TBC1D9: variants seen among roughly 807,000 people sequenced by gnomAD.
TBC1D9 encodes the protein TBC1 domain family member 9A.
TBC1D9 carries 63 observed loss-of-function variants against 132.0 expected under a neutral mutation model. The ratio of observed to expected loss-of-function variants is 0.48; its 90% CI spans 0.39 to 0.59. The LOEUF (loss-of-function observed/expected upper bound fraction) is 0.59, where lower values mean the gene tolerates loss of function less well. Ranked by LOEUF, TBC1D9 falls within the 20% of genes least tolerant of loss-of-function variation. The pLI is 0.00. For missense variants in TBC1D9, 1,261 were observed against 1,592.7 expected, an observed-to-expected ratio of 0.79 and a Z score of 3.54; for synonymous variants, 610 against 609.9, an observed-to-expected ratio of 1.00 and a Z score of 0.00.
chr4:140,732,095 C>T (rs1396151608), intron 1 of TBC1D9, among the ~76,000 whole-genome samples: 1 of 152,196 alleles, frequency 6.6e-6, no homozygotes, highest in Non-Finnish European at 1.5e-5. Context: ...AAGTCAGGCT[C>T]TTAACCATAA....
intron 13 of TBC1D9, chr4:140,642,090 G>T (rs1356183395): frequency 2.4e-5 from 17 of 717,088 alleles, no homozygotes; most frequent in Non-Finnish European, 4.4e-5. Context: ...CGGAGGAGGG[G>T]GTGTGTGCCA....
In TBC1D9 at chr4:140,621,163, A is replaced by G. The variant is rs914566318; in HGVS notation, c.*1032T>C. 8.5e-5 allele frequency: 13 copies of G among 152,660 alleles called. No homozygotes were observed. The highest frequency in any genetic ancestry group is 4.4e-5 in the Non-Finnish European group (3 of 68,024). 9.5% of individuals were successfully genotyped at this position (152,660 alleles called of 1,614,324 possible). A position where few individuals can be genotyped will look rare whatever the true frequency, so the allele number is the denominator to read the frequency against. ...AAGTGACAAGTTCTGTTTTTAAAAC[A>G]TTCAGTTACATTATCTTGCAGATTT... is the stretch of plus-strand genomic sequence containing the variant. On this transcript the variant is annotated 3_prime_UTR_variant, in exon 21 of 21. Coordinates refer to ENST00000442267, the MANE Select transcript of TBC1D9 (RefSeq NM_015130.3).
intron 1 of TBC1D9, among the ~76,000 whole-genome samples, chr4:140,726,926 A>G (rs1212408260): frequency 6.6e-6 from 1 of 152,140 alleles, no homozygotes; most frequent in Non-Finnish European, 1.5e-5. Context: ...TTTACTCAAT[A>G]TCTCATAACA....
chr4:140,657,239 T>C lies in TBC1D9; in HGVS notation c.2208-13A>G. 2 of 1,612,394 alleles carry C rather than the reference T, an allele frequency of 1.2e-6. No homozygotes were observed. The highest frequency in any genetic ancestry group is 4.5e-5 in the East Asian group (2 of 44,870). Reference sequence around the variant, plus strand: ...ACTGTCTAAATACCTGGAAGAAGAATGCATCAGAAGTCACAGGAGAAGAAA... The same window carrying C: ...ACTGTCTAAATACCTGGAAGAAGAACGCATCAGAAGTCACAGGAGAAGAAA... On this transcript the variant is annotated splice_polypyrimidine_tract_variant and intron_variant, in intron 12 of 20. Coordinates refer to ENST00000442267, the MANE Select transcript of TBC1D9 (RefSeq NM_015130.3).
intron 16 of TBC1D9, 141 bp downstream of exon 16, chr4:140,633,807 T>C (rs1241206197): frequency 4.1e-6 from 4 of 966,884 alleles, no homozygotes; most frequent in African/African-American, 1.6e-5. Context: ...TTTATCCATA[T>C]ACTATGTTCA....
chr4:140,725,477 G>A lies in TBC1D9; in HGVS notation c.131-23863C>T, dbSNP rs956209447. ...GGAACAAGAGCTGTACAGGGGATGGGGGCCCTTTGTTTTAGTTTAAATGAA... is the reference window on the plus strand; with the variant it reads ...GGAACAAGAGCTGTACAGGGGATGGAGGCCCTTTGTTTTAGTTTAAATGAA... On this transcript the variant is annotated intron_variant, in intron 1 of 20. Coordinates refer to ENST00000442267, the MANE Select transcript of TBC1D9 (RefSeq NM_015130.3). Among the ~76,000 whole-genome samples, 3 of 152,156 alleles carry A rather than the reference G, an allele frequency of 2.0e-5. No homozygotes were observed. The East Asian group carries it at 5.8e-4, about 29-fold the overall frequency.
chr4:140,676,705 G>T (rs1737630006), intron 6 of TBC1D9, among the ~76,000 whole-genome samples, 189 bp downstream of exon 6: 1 of 151,978 alleles, frequency 6.6e-6, no homozygotes, highest in Admixed American at 6.6e-5. Flanking sequence ...TGCAGCTTCT[G>T]GAAGAAGAGA....
At chr4:140,730,446 G>A (rs544045532) in intron 1 of TBC1D9, among the ~76,000 whole-genome samples, 46 of 152,260 alleles carry the variant, frequency 3.0e-4, no homozygotes, top group Admixed American at 1.4e-3. Context: ...GACATGGGCC[G>A]GGCATGGTGA....
chr4:140,641,093 A>G (rs1560869552), intron 13 of TBC1D9, among the ~76,000 whole-genome samples: 2 of 112,444 alleles, frequency 1.8e-5, no homozygotes, highest in African/African-American at 7.4e-5. Context: ...TACTAAGCAA[A>G]AAAAAAAAAA....
chr4:140,705,857 T>C (rs185630738), intron 1 of TBC1D9, among the ~76,000 whole-genome samples: 232 of 152,356 alleles, frequency 1.5e-3, no homozygotes, highest in Non-Finnish European at 2.8e-3. Flanking sequence ...ACAATCTTGA[T>C]TGCCTAAGAT....
At chr4:140,626,755 A>T (rs1229932683) in intron 18 of TBC1D9, among the ~76,000 whole-genome samples, 1 of 152,224 alleles carries the variant, frequency 6.6e-6, no homozygotes, top group Non-Finnish European at 1.5e-5. Context: ...AGGAGCCAGC[A>T]TATGTCTTTT....
chr4:140,638,400 G>A lies in TBC1D9; in HGVS notation c.2505+686C>T, dbSNP rs144855858. Among the ~76,000 whole-genome samples, 88 of 151,702 alleles carry A rather than the reference G, an allele frequency of 5.8e-4. 1 individual carries two copies. The highest frequency in any genetic ancestry group is 2.1e-3 in the African/African-American group (85 of 41,362). ...TTAAGAATCAAGATTGGGGCCAGGT[G>A]TGGTGGCTCACACCTGTAATCCCAG... On this transcript the variant is annotated intron_variant, in intron 15 of 20. Coordinates refer to ENST00000442267, the MANE Select transcript of TBC1D9 (RefSeq NM_015130.3).
At chr4:140,736,574 G>T (rs1183758451) in intron 1 of TBC1D9, among the ~76,000 whole-genome samples, 1 of 151,858 alleles carries the variant, frequency 6.6e-6, no homozygotes, top group East Asian at 1.9e-4. Flanking sequence ...AAAGTCAAAG[G>T]GCAAATGGCA....
intron 16 of TBC1D9, among the ~76,000 whole-genome samples, chr4:140,629,897 A>G (rs1010143913): frequency 1.3e-5 from 2 of 152,228 alleles, no homozygotes; most frequent in African/African-American, 4.8e-5. Context: ...CCCTGTGCCA[A>G]TTACTTCATA....
At position 140,661,904 on chromosome 4, in the gene TBC1D9, C is replaced by G; in HGVS notation, c.1792G>C (p.Gly598Arg). 6.2e-7 allele frequency: 1 copy of G among 1,613,426 alleles called. No homozygotes were observed. The highest frequency in any genetic ancestry group is 8.5e-7 in the Non-Finnish European group (1 of 1,179,568). Residue 598 changes from glycine (G) to arginine (R), a missense_variant, in exon 10 of 21, where the codon GGG becomes CGG. This residue lies in a region of TBC1D9 where 93 missense variants were observed against 169.2 expected (regional missense o/e 0.55). Coordinates refer to ENST00000442267, the MANE Select transcript of TBC1D9 (RefSeq NM_015130.3). ...TAYAFRNPNI[G>R]YCQAMNIVTS... Reference sequence around the variant, plus strand: ...CCTGTGACATTTACCTGGCAATACCCTATGTTGGGATTTCGAAAAGCATAA... The same window carrying G: ...CCTGTGACATTTACCTGGCAATACCGTATGTTGGGATTTCGAAAAGCATAA...
chr4:140,680,566 A>T (rs576752418), intron 3 of TBC1D9, among the ~76,000 whole-genome samples: 4 of 152,268 alleles, frequency 2.6e-5, no homozygotes, highest in African/African-American at 9.6e-5. Flanking sequence ...TGCTCCCTTG[A>T]ATTCCACCTT....
chr4:140,665,271 G>A (rs1335912563), intron 9 of TBC1D9, among the ~76,000 whole-genome samples: 1 of 152,002 alleles, frequency 6.6e-6, no homozygotes, highest in Non-Finnish European at 1.5e-5. Context: ...AAATTTTTTT[G>A]TGCTTCGAAG....
intron 7 of TBC1D9, 156 bp downstream of exon 7, chr4:140,670,564 T>C (rs998937218): frequency 2.4e-4 from 148 of 620,656 alleles, no homozygotes; most frequent in Non-Finnish European, 3.6e-4. Context: ...TGACCCCAAA[T>C]ACAAAGTCCT....
rs990172642 is a variant in TBC1D9, at chr4:140,638,958, T to G, written c.2505+128A>C. On this transcript the variant is annotated intron_variant, in intron 15 of 20. Coordinates refer to ENST00000442267, the MANE Select transcript of TBC1D9 (RefSeq NM_015130.3). ...ATTTTCATATTAAGTACTACAGTTTTGTACTCTCAGCTCTAGCTTCCTATT... is the reference window on the plus strand; with the variant it reads ...ATTTTCATATTAAGTACTACAGTTTGGTACTCTCAGCTCTAGCTTCCTATT... The G allele has an allele frequency of 6.1e-6, 4 of 660,588 alleles. No homozygotes were observed. The African/African-American group carries it at 7.3e-5, about 12-fold the overall frequency. 40.9% of individuals were successfully genotyped at this position (660,588 alleles called of 1,614,324 possible).
Sources: gnomAD v4.1 joint callset for allele counts (sites outside exome capture counted in the v4.1 genomes callset) on GRCh38, gnomAD v4.1.1 for gene constraint, gnomAD v4.1.1 regional missense constraint, MANE v1.5 for transcripts, NCBI Gene and HGNC (gene_info 2026-07-23, HGNC 2026-07-21) for gene names.